The following MED16 variants were observed in gnomAD, a reference collection of about 807,000 sequenced individuals.
MED16 encodes mediator complex subunit 16, also known as mediator of RNA polymerase II transcription subunit 16.
In MED16, 81 loss-of-function variants were observed where a neutral mutation model predicts 84.4. That is an observed-to-expected ratio of 0.96 (90% CI 0.80 to 1.15). MED16 has a LOEUF of 1.15. Ranked by LOEUF, MED16 falls within the 50% of genes most tolerant of loss-of-function variation. MED16 has a pLI of 0.00. For missense variants in MED16, 1,585 were observed against 1,245.9 expected, an observed-to-expected ratio of 1.27 and a Z score of -4.10; for synonymous variants, 897 against 552.2, an observed-to-expected ratio of 1.62 and a Z score of -8.76.
chr19:875,290 G>A lies in MED16; in HGVS notation c.1725C>T (p.Ser575=), dbSNP rs1209990066. The A allele has an allele frequency of 3.0e-6, 4 of 1,332,410 alleles. No homozygotes were observed. Among genetic ancestry groups the A allele is most frequent in the Admixed American group, 2.5e-5 (1 of 39,378 alleles). 82.5% of individuals were successfully genotyped at this position (1,332,410 alleles called of 1,614,324 possible). The change falls in exon 10 of 16, where the codon AGC becomes AGT. Residue 575 remains serine, a synonymous_variant. Coordinates refer to ENST00000325464, the MANE Select transcript of MED16 (RefSeq NM_005481.3). ...RPHFLNTPDK[S]PGDRLTEICT... The stretch of plus-strand genomic sequence containing the variant: ...AGATCTCGGTCAGCCGGTCGCCGGG[G>A]CTCTTGTCAGGCGTGTTGAGAAAGT...
At chr19:873,335 CTCCAACTAGGGGCGGGG>C in intron 11 of MED16, 97 bp downstream of exon 11, 2 of 357,024 alleles carry the variant, frequency 5.6e-6, no homozygotes, top group Non-Finnish European at 7.6e-6. Context: ...AGGGGCGGGA[CTCCAACTAGGGGCGGGG>C]CTGAGGTGGT....
At position 893,179 on chromosome 19, in the gene MED16, C is replaced by G. The variant is rs1031544199; in HGVS notation, c.-112G>C. 2.7e-4 allele frequency: 41 copies of G among 152,384 alleles called. No homozygotes were observed. The highest frequency in any genetic ancestry group is 2.2e-3 in the Admixed American group (34 of 15,312). The allele number at this position is 152,384 out of a possible 1,614,324, so 9.4% of individuals were successfully genotyped here. On this transcript the variant is annotated 5_prime_UTR_variant, in exon 1 of 16. Transcript: ENST00000325464. ...CGCCGCCATCTTCCTCGGTAACAACCAGTCGCCTGAGGCGTGGGGCCGCCT... is the reference window on the plus strand; with the variant it reads ...CGCCGCCATCTTCCTCGGTAACAACGAGTCGCCTGAGGCGTGGGGCCGCCT...
chr19:878,185 G>A (rs2036308514), intron 8 of MED16, among the ~76,000 whole-genome samples: 1 of 133,504 alleles, frequency 7.5e-6, no homozygotes, highest in African/African-American at 2.9e-5. Context: ...ACCGAGCCCA[G>A]CCCCACGTGC....
At chr19:887,753 G>A (rs570416876) in intron 4 of MED16, among the ~76,000 whole-genome samples, 1 of 152,166 alleles carries the variant, frequency 6.6e-6, no homozygotes, top group Admixed American at 6.6e-5. Context: ...CGCTCAGTAA[G>A]AGATGCCAGA....
intron 11 of MED16, among the ~76,000 whole-genome samples, chr19:872,564 C>T (rs1052793598): frequency 2.1e-5 from 3 of 142,274 alleles, no homozygotes; most frequent in Non-Finnish European, 3.0e-5. Context: ...GTGATGGGCG[C>T]GGTGGAGAAG....
intron 1 of MED16, among the ~76,000 whole-genome samples, chr19:891,578 A>G (rs1300594960): frequency 6.6e-6 from 1 of 151,628 alleles, no homozygotes; most frequent in African/African-American, 2.4e-5. Context: ...GGCTCCCTGT[A>G]GCCGAGGCGG....
At chr19:892,491 C>A (rs2036656606) in intron 1 of MED16, 1 of 152,658 alleles carries the variant, frequency 6.6e-6, no homozygotes, top group Non-Finnish European at 1.5e-5. Flanking sequence ...CAGGCCCTTC[C>A]CCTATTGCCC....
rs780537339 is a variant in MED16, at chr19:872,137, G to A, written c.1906-19C>T. The A allele has an allele frequency of 6.4e-5, 101 of 1,583,754 alleles. No individual in the cohort carries two copies. Among genetic ancestry groups the A allele is most frequent in the South Asian group, 1.8e-4 (16 of 88,284 alleles). On this transcript the variant is annotated intron_variant, in intron 11 of 15. Transcript: ENST00000325464. Reference sequence around the variant, plus strand: ...GGGAACCCTGCCCGAAAGAGGCATCGGTGTGGCTGGGGCGGCGGGGGGCAG... The same window carrying A: ...GGGAACCCTGCCCGAAAGAGGCATCAGTGTGGCTGGGGCGGCGGGGGGCAG...
intron 9 of MED16, among the ~76,000 whole-genome samples, chr19:876,353 C>T (rs1231848764): frequency 2.0e-5 from 3 of 152,098 alleles, no homozygotes; most frequent in Non-Finnish European, 2.9e-5. Context: ...CTCCTTCCGA[C>T]GGGCGGGTCT....
At chr19:881,496 T>G (rs2036422040) in intron 7 of MED16, 63 bp downstream of exon 7, 4 of 1,549,958 alleles carry the variant, frequency 2.6e-6, no homozygotes, top group Admixed American at 1.8e-5. Context: ...TGGCCTGTGC[T>G]CAGGGCCCAA....
In MED16 at chr19:886,108, C is replaced by G; in HGVS notation, c.541G>C (p.Ala181Pro). ...FGGKPMEGWIAVTVSGLVTVS... is the reference protein window; with the variant it reads ...FGGKPMEGWIPVTVSGLVTVS... ...GTGACCAGGCCGCTGACCGTCACCG[C>G]GATCCAGCCCTCCATGGGCTTGCCG... The change falls in exon 5 of 16, where the codon GCG becomes CCG. Residue 181 changes from alanine (A) to proline (P), a missense_variant. Coordinates refer to ENST00000325464, the MANE Select transcript of MED16 (RefSeq NM_005481.3). 6.3e-7 allele frequency: 1 copy of G among 1,586,230 alleles called. No homozygotes were observed. Among genetic ancestry groups the G allele is most frequent in the Non-Finnish European group, 8.6e-7 (1 of 1,169,058 alleles).
intron 10 of MED16, among the ~76,000 whole-genome samples, chr19:874,562 CGGAAGGAGGAGCAGACCTGCCTGCACA>C (rs1203015834): frequency 1.3e-5 from 2 of 152,104 alleles, no homozygotes; most frequent in East Asian, 1.9e-4. Flanking sequence ...TACGGCAAAA[CGGAAGGAGGAGCAGACCTGCCTGCACA>C]GGACCCGGGT....
rs1051556213 is a variant in MED16 at position 887,426 on chromosome 19, G to C, written c.448-1225C>G. On this transcript the variant is annotated intron_variant, in intron 4 of 15. Transcript: ENST00000325464. ...CTCACGCCTGTAATCTCAGCACTTTGGGAGGCCGAGGCGGGCAGATCTCAA... is the reference window on the plus strand; with the variant it reads ...CTCACGCCTGTAATCTCAGCACTTTCGGAGGCCGAGGCGGGCAGATCTCAA... Among the ~76,000 whole-genome samples the C allele has an allele frequency of 2.0e-5, 3 of 152,130 alleles. No individual in the cohort carries two copies. In the East Asian group the frequency reaches 5.8e-4, roughly 29 times the overall value.
chr19:868,778 C>G, intron 14 of MED16, 85 bp downstream of exon 14: 1 of 1,402,842 alleles, frequency 7.1e-7, no homozygotes, highest in Non-Finnish European at 9.6e-7. Context: ...CCTTGACCGT[C>G]TGGAGCGCTG....
chr19:884,583 G>A (rs771086860), intron 6 of MED16, among the ~76,000 whole-genome samples: 1 of 152,086 alleles, frequency 6.6e-6, no homozygotes, highest in Non-Finnish European at 1.5e-5. Flanking sequence ...CTCCACAGCC[G>A]CCCACACGCC....
At chr19:886,223 A>AG (rs2036523846) in intron 4 of MED16, 22 bp from the exon 5 acceptor site, 1 of 1,488,156 alleles carries the variant, frequency 6.7e-7, no homozygotes, top group Non-Finnish European at 8.9e-7. Flanking sequence ...GGAGGGAGGG[A>AG]GGAGGGGCCG....
chr19:880,119 C>T lies in MED16; in HGVS notation c.1171G>A (p.Val391Ile), dbSNP rs745416680. The change falls in exon 8 of 16, where the codon GTC becomes ATC. Residue 391 changes from valine (V) to isoleucine (I), a missense_variant. Physicochemically the swap from Val to Ile is conservative, Grantham distance 29. Transcript: ENST00000325464. ...AGTGAGAGCCGGTGCACGATGTGGA[C>T]GCTGCCGTCGTGGAAGGCCAGGGCC... ...GLALAFHDGS[V>I]HIVHRLSLQT... The T allele has an allele frequency of 1.6e-5, 26 of 1,609,770 alleles. No homozygotes were observed. Among genetic ancestry groups the T allele is most frequent in the African/African-American group, 6.7e-5 (5 of 74,868 alleles).
chr19:886,347 G>T (rs372660299), intron 4 of MED16, 146 bp from the exon 5 acceptor site: 2 of 676,730 alleles, frequency 3.0e-6, no homozygotes, highest in Admixed American at 3.4e-5. Flanking sequence ...CACCTGAGCC[G>T]TGTGGGATGT....
chr19:872,223 G>C, intron 11 of MED16, 105 bp from the exon 12 acceptor site: 1 of 924,004 alleles, frequency 1.1e-6, no homozygotes, highest in Non-Finnish European at 1.6e-6. Context: ...CAATGGGCAG[G>C]GTCTGGGACA....
Sources: gnomAD v4.1 joint callset for allele counts (sites outside exome capture counted in the v4.1 genomes callset) on GRCh38, gnomAD v4.1.1 for gene constraint, MANE v1.5 for transcripts, NCBI Gene and HGNC (gene_info 2026-07-23, HGNC 2026-07-21) for gene names.